Variants in UBOX5 observed in about 807,000 individuals in gnomAD.
UBOX5 encodes RING finger protein 37.
Under a neutral mutation model 39.0 loss-of-function variants are expected in UBOX5, and 28 were observed. The observed-to-expected ratio is 0.72, with a 90% CI of 0.53 to 0.98. The LOEUF is 0.98. Ranked by LOEUF, UBOX5 falls within the 50% of genes least tolerant of loss-of-function variation. The pLI is 0.00. For synonymous variants in UBOX5, 283 were observed against 275.5 expected, an observed-to-expected ratio of 1.03 and a Z score of -0.27; for missense variants, 585 against 674.4, an observed-to-expected ratio of 0.87 and a Z score of 1.47.
chr20:3,148,847 T>C lies in UBOX5; in HGVS notation c.-42+10919A>G, dbSNP rs374950346. 5 of 1,614,092 alleles carry C rather than the reference T, an allele frequency of 3.1e-6. No homozygotes were observed. In the African/African-American group the frequency reaches 5.3e-5, roughly 17 times the overall value. ...AGTCTTGCTGAATTCCAAACCTGGG[T>C]GGGCACTGCTGGTTGTCAGGATTCT... On this transcript the variant is annotated intron_variant, in intron 1 of 4. Coordinates refer to ENST00000217173, the MANE Select transcript of UBOX5 (RefSeq NM_014948.4).
intron 1 of UBOX5, among the ~76,000 whole-genome samples, chr20:3,158,368 C>T (rs1013377765): frequency 3.2e-4 from 49 of 152,334 alleles, no homozygotes; most frequent in African/African-American, 1.1e-3. Context: ...GGAAGAAAAT[C>T]ATACTGACTA....
chr20:3,147,911 G>A, intron 1 of UBOX5: 1 of 1,614,212 alleles, frequency 6.2e-7, no homozygotes, highest in Non-Finnish European at 8.5e-7. Context: ...AACTCCCAGG[G>A]AAGGAATTCG....
chr20:3,114,731 C>T (rs2066280035), intron 4 of UBOX5, among the ~76,000 whole-genome samples: 1 of 152,258 alleles, frequency 6.6e-6, no homozygotes, highest in Non-Finnish European at 1.5e-5. Context: ...GGGCGGATCA[C>T]GAGGTCGGGA....
chr20:3,131,669 TTTCAAAACCTATATA>T (rs2066429702), intron 1 of UBOX5, among the ~76,000 whole-genome samples: 1 of 152,224 alleles, frequency 6.6e-6, no homozygotes, highest in Non-Finnish European at 1.5e-5. Flanking sequence ...ACATTATACA[TTTCAAAACCTATATA>T]TTCAAAACCT....
intron 1 of UBOX5, among the ~76,000 whole-genome samples, chr20:3,156,120 A>T (rs1404847697): frequency 6.6e-6 from 1 of 152,042 alleles, no homozygotes; most frequent in Non-Finnish European, 1.5e-5. Context: ...GAAAATCCAT[A>T]GGAAAGCTGG....
intron 3 of UBOX5, among the ~76,000 whole-genome samples, chr20:3,116,137 C>A (rs540041531): frequency 6.6e-6 from 1 of 152,202 alleles, no homozygotes; most frequent in Non-Finnish European, 1.5e-5. Context: ...CCCTGCCCCC[C>A]ATTCCCTCCC....
At chr20:3,145,445 T>C (rs1445157537) in intron 1 of UBOX5, among the ~76,000 whole-genome samples, 9 of 150,698 alleles carry the variant, frequency 6.0e-5, no homozygotes, top group Admixed American at 3.3e-4. Flanking sequence ...TTTTTCCTTT[T>C]TTTTTTTTTT....
At chr20:3,112,840 C>T (rs1020105191) in intron 4 of UBOX5, among the ~76,000 whole-genome samples, 7 of 151,984 alleles carry the variant, frequency 4.6e-5, no homozygotes, top group African/African-American at 1.5e-4. Context: ...GTGGCGGGCG[C>T]CTGTAGCCCC....
chr20:3,134,055 CTAAGG>C (rs929582609), intron 1 of UBOX5, among the ~76,000 whole-genome samples: 148 of 152,046 alleles, frequency 9.7e-4, no homozygotes, highest in African/African-American at 3.3e-3. Context: ...CCTTGCCCGG[CTAAGG>C]TAAGCTTTAT....
At chr20:3,135,756 TA>T (rs1400870055) in intron 1 of UBOX5, among the ~76,000 whole-genome samples, 1 of 147,420 alleles carries the variant, frequency 6.8e-6, no homozygotes, top group African/African-American at 2.6e-5. Flanking sequence ...GGTTTTGATG[TA>T]AAAGTTATTT....
intron 1 of UBOX5, among the ~76,000 whole-genome samples, chr20:3,146,214 G>A (rs182615598): frequency 5.3e-5 from 8 of 152,016 alleles, no homozygotes; most frequent in Admixed American, 2.0e-4. Context: ...AGTGATACGC[G>A]CCTGTAGTCT....
At chr20:3,148,581 CAAT>C (rs1340508524) in intron 1 of UBOX5, 1 of 1,614,054 alleles carries the variant, frequency 6.2e-7, no homozygotes, top group Non-Finnish European at 8.5e-7. Context: ...AAATAATCAA[CAAT>C]GACTTGAGCC....
intron 1 of UBOX5, among the ~76,000 whole-genome samples, chr20:3,133,766 A>C (rs1600389685): frequency 1.4e-5 from 2 of 138,658 alleles, no homozygotes; most frequent in Middle Eastern, 7.7e-3. Flanking sequence ...TGGGGGGGGG[A>C]AACAGGCTCT....
chr20:3,116,350 G>C (rs563104887), intron 3 of UBOX5: 3 of 152,374 alleles, frequency 2.0e-5, no homozygotes, highest in Non-Finnish European at 4.4e-5. Context: ...TCAACAGAAA[G>C]CCAAGCCATG....
chr20:3,125,331 T>G (rs1350513353), intron 1 of UBOX5, among the ~76,000 whole-genome samples: 1 of 135,428 alleles, frequency 7.4e-6, no homozygotes, highest in Non-Finnish European at 1.6e-5. Flanking sequence ...GGAGCGCCTC[T>G]GCCCGGCTGC....
intron 1 of UBOX5, among the ~76,000 whole-genome samples, chr20:3,158,125 GT>G (rs941465393): frequency 6.6e-6 from 1 of 151,528 alleles, no homozygotes; most frequent in Non-Finnish European, 1.5e-5. Context: ...TTTTTTGTGT[GT>G]TTTTTTTGTT....
At position 3,121,804 on chromosome 20, in the gene UBOX5, G is replaced by A; in HGVS notation, c.835C>T (p.Pro279Ser). The A allele has an allele frequency of 6.2e-7, 1 of 1,614,172 alleles. No individual in the cohort carries two copies. Among genetic ancestry groups the A allele is most frequent in the East Asian group, 2.2e-5 (1 of 44,866 alleles). The change falls in exon 3 of 5, where the codon CCC becomes TCC. Residue 279 changes from proline (P) to serine (S), a missense_variant. Pro to Ser is a moderately conservative substitution (Grantham distance 74). Transcript: ENST00000217173. ...CTCTGGTCGATGACCTTGCCTGAGG[G>A]CAGCAGCATGGGACAAGGCATGATC... Reference protein sequence around the residue: ...LEIMPCPMLLPSGKVIDQSTL... With the variant: ...LEIMPCPMLLSSGKVIDQSTL...
chr20:3,129,573 T>C (rs955723448), intron 1 of UBOX5, among the ~76,000 whole-genome samples: 29 of 152,060 alleles, frequency 1.9e-4, no homozygotes, highest in African/African-American at 6.3e-4. Context: ...CTGCAAATAC[T>C]CTTCACCAAG....
At chr20:3,111,313 T>C (rs1203362662) in intron 4 of UBOX5, among the ~76,000 whole-genome samples, 4 of 152,094 alleles carry the variant, frequency 2.6e-5, no homozygotes, top group African/African-American at 9.7e-5. Context: ...TTAACCCCCC[T>C]TCTCTCTGTC....
Sources: gnomAD v4.1 joint callset for allele counts (sites outside exome capture counted in the v4.1 genomes callset) on GRCh38, gnomAD v4.1.1 for gene constraint, MANE v1.5 for transcripts, NCBI Gene and HGNC (gene_info 2026-07-23, HGNC 2026-07-21) for gene names.